DDI2: variants seen among roughly 807,000 people sequenced by gnomAD.
DDI2 encodes DDI proteasomal shuttling factor 2, also known as protein DDI1 homolog 2.
DDI2 carries 5 observed loss-of-function variants against 48.1 expected under a neutral mutation model. The observed-to-expected ratio is 0.10, with a 90% CI of 0.05 to 0.22. DDI2 has a LOEUF of 0.22. DDI2 is among the 10% of genes least tolerant of loss of function. The pLI is 1.00. For missense variants in DDI2, 285 were observed against 506.2 expected (o/e 0.56, Z 4.19); for synonymous variants, 205 against 183.6 (o/e 1.12, Z -0.94).
intron 6 of DDI2, among the ~76,000 whole-genome samples, chr1:15,645,613 A>G (rs757931575): frequency 6.6e-6 from 1 of 152,024 alleles, no homozygotes; most frequent in Non-Finnish European, 1.5e-5. Flanking sequence ...TCACACCTAT[A>G]ATCCCAGTGC....
Position 15,656,595 on chromosome 1 carries a change from GTC to G in DDI2, c.1184-20_1184-19del, listed in dbSNP as rs750780371. 1.9e-6 allele frequency: 3 copies of G among 1,614,136 alleles called. No individual in the cohort carries two copies. The highest frequency in any genetic ancestry group is 2.5e-6 in the Non-Finnish European group (3 of 1,180,000). The stretch of plus-strand genomic sequence containing the variant: ...TTGCATTGTTAACCCAAGTTTGCTT[GTC>G]TGTTTCCTAATTCACACAGAGCGTC... On this transcript the variant is annotated intron_variant, in intron 8 of 9. Transcript: ENST00000480945.
At chr1:15,643,221 A>T (rs1369203683) in intron 5 of DDI2, among the ~76,000 whole-genome samples, 2 of 152,254 alleles carry the variant, frequency 1.3e-5, no homozygotes, top group Non-Finnish European at 2.9e-5. Context: ...TAGCATTGCC[A>T]TCTGTAGACG....
chr1:15,661,547 C>G lies in DDI2; in HGVS notation c.*1757C>G. On this transcript the variant is annotated 3_prime_UTR_variant, in exon 10 of 10. Coordinates refer to ENST00000480945, the MANE Select transcript of DDI2 (RefSeq NM_032341.5). ...GAATATGAACCACCTACCAGCCATC[C>G]ATCATCAAGTCCTGCCATTCTTCCA... 4 of 1,614,210 alleles carry G rather than the reference C, an allele frequency of 2.5e-6. No homozygotes were observed. The highest frequency in any genetic ancestry group is 3.4e-6 in the Non-Finnish European group (4 of 1,180,030).
rs776823273 is a variant in DDI2, at chr1:15,660,567, T to C, written c.*777T>C. ...TGGATCCTCCAAGTGCGAAGAAAAG[T>C]ATTCCATCTTCAGAATGCAGTGGCT... On this transcript the variant is annotated 3_prime_UTR_variant, in exon 10 of 10. Coordinates refer to ENST00000480945, the MANE Select transcript of DDI2 (RefSeq NM_032341.5). 2.0e-5 allele frequency: 32 copies of C among 1,613,436 alleles called. No individual in the cohort carries two copies. In the South Asian group the frequency reaches 3.2e-4, roughly 16 times the overall value.
chr1:15,650,849 T>C (rs1051787355), intron 7 of DDI2, among the ~76,000 whole-genome samples: 3 of 149,446 alleles, frequency 2.0e-5, no homozygotes, highest in Non-Finnish European at 4.4e-5. Context: ...CAGCATTCTA[T>C]TTATTTATTT....
chr1:15,660,460 C>G lies in DDI2; in HGVS notation c.*670C>G. ...TCTTTGTAACATAGGGGACCTTGAGCTTCCTGAAGAAAGGCAACAGAATCA... is the reference window on the plus strand; with the variant it reads ...TCTTTGTAACATAGGGGACCTTGAGGTTCCTGAAGAAAGGCAACAGAATCA... On this transcript the variant is annotated 3_prime_UTR_variant, in exon 10 of 10. Transcript: ENST00000480945. 1 of 1,614,060 alleles carries G rather than the reference C, an allele frequency of 6.2e-7. No individual in the cohort carries two copies. Among genetic ancestry groups the G allele is most frequent in the Non-Finnish European group, 8.5e-7 (1 of 1,180,010 alleles).
Position 15,668,994 on chromosome 1 carries a change from G to C in DDI2, c.*9204G>C, listed in dbSNP as rs1640491342. 1.3e-5 allele frequency: 2 copies of C among 152,122 alleles called. No individual in the cohort carries two copies. Among genetic ancestry groups the C allele is most frequent in the South Asian group, 4.1e-4 (2 of 4,820 alleles). The allele number at this position is 152,122 out of a possible 1,614,324, so 9.4% of individuals were successfully genotyped here. A position where few individuals can be genotyped will look rare whatever the true frequency, so the allele number is the denominator to read the frequency against. On this transcript the variant is annotated 3_prime_UTR_variant, in exon 10 of 10. Transcript: ENST00000480945. ...TAAATAGGAACTTTCTGAAGAAAAA[G>C]TGGTGTGTAAAACATTTGATATTTA...
chr1:15,660,466 G>C lies in DDI2; in HGVS notation c.*676G>C. On this transcript the variant is annotated 3_prime_UTR_variant, in exon 10 of 10. Coordinates refer to ENST00000480945, the MANE Select transcript of DDI2 (RefSeq NM_032341.5). ...TAACATAGGGGACCTTGAGCTTCCTGAAGAAAGGCAACAGAATCAACACAA... is the reference window on the plus strand; with the variant it reads ...TAACATAGGGGACCTTGAGCTTCCTCAAGAAAGGCAACAGAATCAACACAA... The C allele has an allele frequency of 6.2e-7, 1 of 1,614,082 alleles. No homozygotes were observed. Among genetic ancestry groups the C allele is most frequent in the Non-Finnish European group, 8.5e-7 (1 of 1,180,006 alleles).
Position 15,644,600 on chromosome 1 carries a change from T to G in DDI2, c.889+950T>G, listed in dbSNP as rs556710527. Among the ~76,000 whole-genome samples, 113 of 134,998 alleles carry G rather than the reference T, an allele frequency of 8.4e-4. 2 individuals carry two copies. In the East Asian group the frequency reaches 0.016, roughly 19 times the overall value. 88.6% of individuals were successfully genotyped at this position (134,998 alleles called of 152,430 possible). A position where few individuals can be genotyped will look rare whatever the true frequency, so the allele number is the denominator to read the frequency against. On this transcript the variant is annotated intron_variant, in intron 6 of 9. Transcript: ENST00000480945. ...TCAGTTTTTTTTGTTTTTTTTTTTT[T>G]TTTTTTTTTTTGAGACGGAGTCTCA...
intron 9 of DDI2, among the ~76,000 whole-genome samples, 174 bp from the exon 10 acceptor site, chr1:15,659,663 G>A (rs1640328872): frequency 6.6e-6 from 1 of 152,204 alleles, no homozygotes; most frequent in South Asian, 2.1e-4. Context: ...CTGATGCTGT[G>A]AATGTCTACC....
intron 1 of DDI2, among the ~76,000 whole-genome samples, chr1:15,626,171 T>A (rs1639750701): frequency 1.3e-5 from 2 of 152,252 alleles, no homozygotes; most frequent in Non-Finnish European, 2.9e-5. Flanking sequence ...ATCAGTTATA[T>A]AACAGGCCCT....
intron 5 of DDI2, among the ~76,000 whole-genome samples, chr1:15,643,085 T>C (rs975197814): frequency 4.0e-5 from 6 of 151,844 alleles, no homozygotes; most frequent in African/African-American, 1.5e-4. Context: ...AAAAAAACAT[T>C]AGCTGGACAT....
rs1640042126 is a variant in DDI2 at position 15,643,538 on chromosome 1, C to T, written c.777C>T (p.Ile259=). The change falls in exon 6 of 10, where the codon ATC becomes ATT. Residue 259 remains isoleucine (I), a synonymous_variant. Transcript: ENST00000480945. ...CTCCTCCAGGTGCCCAGATGACTAT[C>T]ATGAGCCAAGCTTGTGCAGAAAGGT... The part of the protein sequence containing the change: ...AFVDSGAQMT[I]MSQACAERCN... 5.0e-6 allele frequency: 8 copies of T among 1,613,656 alleles called. No homozygotes were observed. The highest frequency in any genetic ancestry group is 6.8e-6 in the Non-Finnish European group (8 of 1,179,868).
At chr1:15,645,636 A>G (rs1640078461) in intron 6 of DDI2, among the ~76,000 whole-genome samples, 1 of 152,042 alleles carries the variant, frequency 6.6e-6, no homozygotes, top group African/African-American at 2.4e-5. Context: ...TAGGAGGCTC[A>G]TGTGGGATGA....
intron 9 of DDI2, 171 bp downstream of exon 9, chr1:15,656,850 G>A (rs1328681276): frequency 7.2e-6 from 6 of 833,712 alleles, no homozygotes; most frequent in African/African-American, 1.7e-5. Flanking sequence ...ACATGGATAT[G>A]TAACATAAAC....
chr1:15,656,953 A>G (rs1640282806), intron 9 of DDI2: 1 of 306,268 alleles, frequency 3.3e-6, no homozygotes, highest in South Asian at 5.2e-5. Flanking sequence ...CATCTTGGCT[A>G]CTATAAATAT....
rs1210168863 is a variant in DDI2 at position 15,667,833 on chromosome 1, A to G, written c.*8043A>G. ...TATCAGTTATGTATTGATGATTGGT[A>G]ATCTAGACCCTCTGGAGGCTGTAGA... On this transcript the variant is annotated 3_prime_UTR_variant, in exon 10 of 10. Coordinates refer to ENST00000480945, the MANE Select transcript of DDI2 (RefSeq NM_032341.5). The G allele has an allele frequency of 6.6e-6, 1 of 152,222 alleles. No individual in the cohort carries two copies. Among genetic ancestry groups the G allele is most frequent in the East Asian group, 1.9e-4 (1 of 5,204 alleles). The allele number at this position is 152,222 out of a possible 1,614,324, so 9.4% of individuals were successfully genotyped here.
intron 6 of DDI2, among the ~76,000 whole-genome samples, chr1:15,646,579 C>T (rs999044754): frequency 6.6e-6 from 1 of 151,794 alleles, no homozygotes; most frequent in Non-Finnish European, 1.5e-5. Context: ...CCCAGCTATT[C>T]GGGAGGCTGA....
In DDI2 at chr1:15,666,217, CTGAA is replaced by C. The variant is rs1245321437; in HGVS notation, c.*6432_*6435del. On this transcript the variant is annotated 3_prime_UTR_variant, in exon 10 of 10. Transcript: ENST00000480945. ...CTCAGTAGGTGTTACTAGGAGTTCA[CTGAA>C]TGAACTTAGGAGTGAACCTTCGATG... is the stretch of plus-strand genomic sequence containing the variant. 2 of 152,144 alleles carry C rather than the reference CTGAA, an allele frequency of 1.3e-5. No homozygotes were observed. The highest frequency in any genetic ancestry group is 2.9e-5 in the Non-Finnish European group (2 of 68,028). The allele number at this position is 152,144 out of a possible 1,614,324, so 9.4% of individuals were successfully genotyped here. A position where few individuals can be genotyped will look rare whatever the true frequency, so the allele number is the denominator to read the frequency against.
Sources: allele counts gnomAD v4.1 joint callset (sites outside exome capture counted in the v4.1 genomes callset), GRCh38; gene constraint gnomAD v4.1.1; transcripts MANE v1.5; gene names NCBI Gene and HGNC (gene_info 2026-07-23, HGNC 2026-07-21).